TLR3: variants seen among roughly 807,000 people sequenced by gnomAD.
TLR3 encodes the protein toll-like receptor 3.
Under a neutral mutation model 66.4 loss-of-function variants are expected in TLR3, and 43 were observed. The observed-to-expected ratio is 0.65, with a 90% CI of 0.51 to 0.83. The LOEUF is 0.83. TLR3 is among the 40% of genes least tolerant of loss of function. TLR3 has a pLI of 0.00. For synonymous variants in TLR3, 397 were observed against 397.2 expected (o/e 1.00, Z 0.01); for missense variants, 982 against 1,044.6 (o/e 0.94, Z 0.83).
At chr4:186,070,451 C>T (rs1031384559) in intron 1 of TLR3, among the ~76,000 whole-genome samples, 1 of 151,536 alleles carries the variant, frequency 6.6e-6, no homozygotes, top group Non-Finnish European at 1.5e-5. Context: ...GTGGCATGAT[C>T]GTGGCTCACT....
intron 4 of TLR3, 49 bp downstream of exon 4, chr4:186,084,221 A>ACTTCTTTTTTTTTTTTTTTTTTT (rs369188057): frequency 6.8e-7 from 1 of 1,479,822 alleles, no homozygotes; most frequent in Non-Finnish European, 9.3e-7. Context: ...TTTCAATTAA[A>ACTTCTTTTTTTTTTTTTTTTTTT]TTTCTTTTTT....
chr4:186,069,975 A>G (rs1444014582), intron 1 of TLR3, among the ~76,000 whole-genome samples: 1 of 152,234 alleles, frequency 6.6e-6, no homozygotes, highest in Non-Finnish European at 1.5e-5. Context: ...AAGTTTACAA[A>G]TCAAACTATG....
Position 186,087,234 on chromosome 4 carries a change from T to C in TLR3, c.*2361T>C, listed in dbSNP as rs1402551413. 1.3e-5 allele frequency: 2 copies of C among 152,296 alleles called. No homozygotes were observed. Among genetic ancestry groups the C allele is most frequent in the African/African-American group, 2.4e-5 (1 of 41,572 alleles). The allele number at this position is 152,296 out of a possible 1,614,324, so 9.4% of individuals were successfully genotyped here. On this transcript the variant is annotated 3_prime_UTR_variant, in exon 5 of 5. Coordinates refer to ENST00000296795, the MANE Select transcript of TLR3 (RefSeq NM_003265.3). Reference sequence around the variant, plus strand: ...TATCAATGACATATTCAATACATCATTAAGTTGCTTAATATTTAAGAGGTT... The same window carrying C: ...TATCAATGACATATTCAATACATCACTAAGTTGCTTAATATTTAAGAGGTT...
intron 3 of TLR3, among the ~76,000 whole-genome samples, chr4:186,079,490 T>C (rs2099303055): frequency 6.6e-6 from 1 of 152,172 alleles, no homozygotes; most frequent in South Asian, 2.1e-4. Flanking sequence ...CCTCCCAGCT[T>C]TCAAATGGGC....
chr4:186,074,469 C>T (rs1450609654), intron 1 of TLR3, among the ~76,000 whole-genome samples: 7 of 152,136 alleles, frequency 4.6e-5, no homozygotes, highest in South Asian at 2.1e-4. Flanking sequence ...GCACTTACCA[C>T]GAGTGGAGCT....
chr4:186,074,126 A>G (rs2099301999), intron 1 of TLR3, among the ~76,000 whole-genome samples: 1 of 152,224 alleles, frequency 6.6e-6, no homozygotes, highest in Admixed American at 6.5e-5. Flanking sequence ...TTCCTGTAAA[A>G]CCAAATGGCC....
At chr4:186,079,174 T>A (rs2099302979) in intron 3 of TLR3, 143 bp downstream of exon 3, 4 of 813,256 alleles carry the variant, frequency 4.9e-6, no homozygotes, top group Non-Finnish European at 7.8e-6. Flanking sequence ...GGGGCATTGG[T>A]GTCATCCTCC....
chr4:186,085,787 C>T lies in TLR3; in HGVS notation c.*914C>T, dbSNP rs949883937. On this transcript the variant is annotated 3_prime_UTR_variant, in exon 5 of 5. Coordinates refer to ENST00000296795, the MANE Select transcript of TLR3 (RefSeq NM_003265.3). ...TATTCAAAGGAATGTATTATTTTAC[C>T]ATAAAATAATGTGCTACGCATAAGG... 1.3e-5 allele frequency: 2 copies of T among 152,096 alleles called. No individual in the cohort carries two copies. Among genetic ancestry groups the T allele is most frequent in the Admixed American group, 6.6e-5 (1 of 15,248 alleles). 9.4% of individuals were successfully genotyped at this position (152,096 alleles called of 1,614,324 possible).
chr4:186,072,608 C>A (rs1371487183), intron 1 of TLR3, among the ~76,000 whole-genome samples: 1 of 152,112 alleles, frequency 6.6e-6, no homozygotes, highest in African/African-American at 2.4e-5. Flanking sequence ...CTGCGCCCAA[C>A]CACCACACAC....
chr4:186,087,470 C>A lies in TLR3; in HGVS notation c.*2597C>A, dbSNP rs1359797200. On this transcript the variant is annotated 3_prime_UTR_variant, in exon 5 of 5. Transcript: ENST00000296795. The stretch of plus-strand genomic sequence containing the variant: ...TTGTCTGAGCTCTTGTTTGATTTGC[C>A]CAAGTGACTTGACTTGTTTGAATCC... 6.6e-6 allele frequency: 1 copy of A among 152,082 alleles called. No homozygotes were observed. Among genetic ancestry groups the A allele is most frequent in the Non-Finnish European group, 1.5e-5 (1 of 68,024 alleles). The allele number at this position is 152,082 out of a possible 1,614,324, so 9.4% of individuals were successfully genotyped here.
rs374927261 is a variant in TLR3 at position 186,084,080 on chromosome 4, T to C, written c.2394T>C (p.Phe798=). The C allele has an allele frequency of 7.4e-6, 12 of 1,614,082 alleles. No individual in the cohort carries two copies. Among genetic ancestry groups the C allele is most frequent in the African/African-American group, 2.7e-5 (2 of 74,940 alleles). Residue 798 remains phenylalanine, a synonymous_variant, in exon 4 of 5, where the codon TTT becomes TTC. Coordinates refer to ENST00000296795, the MANE Select transcript of TLR3 (RefSeq NM_003265.3). Reference sequence around the variant, plus strand: ...AAAGGGACTTTGAGGCGGGTGTTTTTGAACTAGAAGCAATTGTTAACAGCA... The same window carrying C: ...AAAGGGACTTTGAGGCGGGTGTTTTCGAACTAGAAGCAATTGTTAACAGCA... ...LEERDFEAGV[F]ELEAIVNSIK...
Position 186,084,841 on chromosome 4 carries a change from G to C in TLR3, c.2683G>C (p.Val895Leu). The C allele has an allele frequency of 6.2e-7, 1 of 1,613,908 alleles. No individual in the cohort carries two copies. Among genetic ancestry groups the C allele is most frequent in the Non-Finnish European group, 8.5e-7 (1 of 1,179,964 alleles). ...AGGTGCCTTTCGTCATAAATTGCAA[G>C]TAGCACTTGGATCCAAAAACTCTGT... ...RIGAFRHKLQVALGSKNSVH is the reference protein window; with the variant it reads ...RIGAFRHKLQLALGSKNSVH The change falls in exon 5 of 5, where the codon GTA becomes CTA. Residue 895 changes from valine (V) to leucine (L), a missense_variant. Transcript: ENST00000296795.
In TLR3 at chr4:186,085,005, T is replaced by C. The variant is rs948857150; in HGVS notation, c.*132T>C. 6 of 744,962 alleles carry C rather than the reference T, an allele frequency of 8.1e-6. 1 individual carries two copies. Among genetic ancestry groups the C allele is most frequent in the African/African-American group, 3.5e-5 (2 of 56,390 alleles). 46.1% of individuals were successfully genotyped at this position (744,962 alleles called of 1,614,324 possible). The stretch of plus-strand genomic sequence containing the variant: ...TGTAAATGATTATATTCTATCACAA[T>C]TACATCTCTTCTAGGAAAATGTGTC... On this transcript the variant is annotated 3_prime_UTR_variant, in exon 5 of 5. Coordinates refer to ENST00000296795, the MANE Select transcript of TLR3 (RefSeq NM_003265.3).
In TLR3 at chr4:186,082,942, T is replaced by A. The variant is rs1208660691; in HGVS notation, c.1256T>A (p.Ile419Asn). ...ATACTCAACCTAACCAAGAATAAAA[T>A]CTCAAAAATAGAGAGTGATGCTTTC... ...LHILNLTKNK[I>N]SKIESDAFSW... The change falls in exon 4 of 5, where the codon ATC (isoleucine) becomes AAC (asparagine). Residue 419 changes from isoleucine to asparagine, a missense_variant. Around this residue, in one of 3 missense-constraint regions of TLR3, gnomAD observed 666 missense variants for 709.0 expected, o/e 0.94. Coordinates refer to ENST00000296795, the MANE Select transcript of TLR3 (RefSeq NM_003265.3). The A allele has an allele frequency of 6.2e-7, 1 of 1,614,024 alleles. No individual in the cohort carries two copies. Among genetic ancestry groups the A allele is most frequent in the Non-Finnish European group, 8.5e-7 (1 of 1,180,020 alleles).
At chr4:186,079,681 A>T (rs2099303087) in intron 3 of TLR3, among the ~76,000 whole-genome samples, 1 of 152,174 alleles carries the variant, frequency 6.6e-6, no homozygotes, top group Non-Finnish European at 1.5e-5. Context: ...CAAGCTAATC[A>T]TTTTCTGTCA....
Position 186,076,630 on chromosome 4 carries a change from CT to C in TLR3, c.14del (p.Leu5CysfsTer36). 6.2e-7 allele frequency: 1 copy of C among 1,614,166 alleles called. No homozygotes were observed. The highest frequency in any genetic ancestry group is 1.3e-5 in the African/African-American group (1 of 75,058). MRQ[T>X]LPCIYFWGGL... ...TTCTACAGCAGAATCATGAGACAGACTTTGCCTTGTATCTACTTTTGGGGGG... is the reference window on the plus strand; with the variant it reads ...TTCTACAGCAGAATCATGAGACAGACTTGCCTTGTATCTACTTTTGGGGGG... On this transcript the variant is annotated frameshift_variant, in exon 2 of 5. Coordinates refer to ENST00000296795, the MANE Select transcript of TLR3 (RefSeq NM_003265.3). LOFTEE classifies it high-confidence loss of function.
chr4:186,081,448 G>A (rs982476529), intron 3 of TLR3, among the ~76,000 whole-genome samples: 9 of 152,074 alleles, frequency 5.9e-5, no homozygotes, highest in African/African-American at 1.4e-4. Context: ...GGAGCAGAAG[G>A]GAGCTGGAAA....
intron 1 of TLR3, among the ~76,000 whole-genome samples, chr4:186,074,483 A>AGTACT (rs1295908208): frequency 6.6e-6 from 1 of 152,232 alleles, no homozygotes; most frequent in Non-Finnish European, 1.5e-5. Flanking sequence ...TGGAGCTTGC[A>AGTACT]GTACTGGGAG....
In TLR3 at chr4:186,082,972, G is replaced by C. The variant is rs1166778833; in HGVS notation, c.1286G>C (p.Trp429Ser). 2 of 1,614,012 alleles carry C rather than the reference G, an allele frequency of 1.2e-6. No individual in the cohort carries two copies. The highest frequency in any genetic ancestry group is 1.7e-6 in the Non-Finnish European group (2 of 1,180,044). ...ISKIESDAFS[W>S]LGHLEVLDLG... Reference sequence around the variant, plus strand: ...AAAATAGAGAGTGATGCTTTCTCTTGGTTGGGCCACCTAGAAGTACTTGAC... The same window carrying C: ...AAAATAGAGAGTGATGCTTTCTCTTCGTTGGGCCACCTAGAAGTACTTGAC... The change falls in exon 4 of 5, where the codon TGG becomes TCG. Residue 429 changes from tryptophan (W) to serine (S), a missense_variant. This residue lies in a region of TLR3 where 666 missense variants were observed against 709.0 expected (regional missense o/e 0.94). Transcript: ENST00000296795.
Sources: gnomAD v4.1 joint callset for allele counts (sites outside exome capture counted in the v4.1 genomes callset) on GRCh38, gnomAD v4.1.1 for gene constraint, gnomAD v4.1.1 regional missense constraint, MANE v1.5 for transcripts, NCBI Gene and HGNC (gene_info 2026-07-23, HGNC 2026-07-21) for gene names.